The following THSD7B variants were observed in gnomAD, a reference collection of about 807,000 sequenced individuals.
The protein encoded by THSD7B is thrombospondin type-1 domain-containing protein 7B.
THSD7B carries 138 observed loss-of-function variants against 213.6 expected under a neutral mutation model. The ratio of observed to expected loss-of-function variants is 0.65; its 90% CI spans 0.56 to 0.74. The LOEUF is 0.74. THSD7B is among the 30% of genes least tolerant of loss of function. The probability of loss-of-function intolerance (pLI) is 0.00; values close to 1 mark genes in which losing one functional copy is unlikely to be tolerated. For synonymous variants in THSD7B, 742 were observed against 687.0 expected (o/e 1.08, Z -1.25); for missense variants, 1,931 against 1,991.5 (o/e 0.97, Z 0.58).
At chr2:137,375,874 G>T (rs1262938759) in intron 12 of THSD7B, among the ~76,000 whole-genome samples, 1 of 152,090 alleles carries the variant, frequency 6.6e-6, no homozygotes. Context: ...CATAACAGAC[G>T]ATATATTAAA....
intron 14 of THSD7B, among the ~76,000 whole-genome samples, chr2:137,444,179 A>G (rs1233205421): frequency 6.6e-6 from 1 of 152,054 alleles, no homozygotes; most frequent in Non-Finnish European, 1.5e-5. Context: ...GGTTGGAAGC[A>G]TCTTTATGAG....
intron 2 of THSD7B, among the ~76,000 whole-genome samples, chr2:136,986,947 G>A (rs188270663): frequency 5.9e-5 from 9 of 152,284 alleles, no homozygotes; most frequent in African/African-American, 1.7e-4. Flanking sequence ...ACTTGGTGCC[G>A]TCCCAGAGTC....
chr2:137,213,037 A>AAG (rs1398433905), intron 7 of THSD7B, among the ~76,000 whole-genome samples: 35 of 151,778 alleles, frequency 2.3e-4, no homozygotes, highest in Admixed American at 2.0e-3. Flanking sequence ...TGCTAAAAAA[A>AAG]AAAAAAAAAA....
chr2:137,614,713 A>G (rs1304018003), intron 17 of THSD7B, among the ~76,000 whole-genome samples: 1 of 152,168 alleles, frequency 6.6e-6, no homozygotes, highest in African/African-American at 2.4e-5. Flanking sequence ...ATTTGATTCA[A>G]TTAAGTATAA....
At chr2:136,877,438 GA>G (rs1035047336) in intron 1 of THSD7B, among the ~76,000 whole-genome samples, 4 of 152,192 alleles carry the variant, frequency 2.6e-5, no homozygotes, top group Non-Finnish European at 4.4e-5. Flanking sequence ...CACTCTTGGA[GA>G]AAAAAACCAT....
intron 12 of THSD7B, among the ~76,000 whole-genome samples, chr2:137,364,564 A>G (rs1408593343): frequency 6.6e-6 from 1 of 152,238 alleles, no homozygotes; most frequent in Non-Finnish European, 1.5e-5. Flanking sequence ...TATAAAATCA[A>G]TGTGCCAAAA....
chr2:137,134,921 C>T (rs62172311), intron 5 of THSD7B, among the ~76,000 whole-genome samples: 22,724 of 152,026 alleles, frequency 0.15, 1,890 homozygotes, highest in Middle Eastern at 0.18. Flanking sequence ...GCCCTAGGCT[C>T]AGATTGCTGC....
chr2:136,768,675 C>A (rs1042640048), intron 1 of THSD7B, among the ~76,000 whole-genome samples: 2 of 152,162 alleles, frequency 1.3e-5, no homozygotes, highest in African/African-American at 4.8e-5. Context: ...ACAGACAAAG[C>A]ATAAAGGCTG....
intron 15 of THSD7B, among the ~76,000 whole-genome samples, chr2:137,481,070 C>T (rs1283846423): frequency 6.6e-6 from 1 of 152,172 alleles, no homozygotes. Flanking sequence ...AACTTTTAAG[C>T]TGCCATCTTG....
At chr2:137,123,174 A>C (rs1427421277) in intron 5 of THSD7B, among the ~76,000 whole-genome samples, 1 of 151,968 alleles carries the variant, frequency 6.6e-6, no homozygotes, top group African/African-American at 2.4e-5. Context: ...TTGCCAGTCC[A>C]TTTTCAAACT....
chr2:137,103,825 AGAC>A (rs1391479858), intron 4 of THSD7B, among the ~76,000 whole-genome samples: 1 of 152,236 alleles, frequency 6.6e-6, no homozygotes, highest in Non-Finnish European at 1.5e-5. Flanking sequence ...AAACGCAACA[AGAC>A]GAGCTAACTG....
At chr2:136,951,525 G>T (rs537889122) in intron 2 of THSD7B, among the ~76,000 whole-genome samples, 7 of 152,324 alleles carry the variant, frequency 4.6e-5, no homozygotes, top group African/African-American at 1.7e-4. Context: ...ATTCTGCAGT[G>T]AGTAAACTAG....
chr2:137,117,943 G>A (rs1012312258), intron 5 of THSD7B, among the ~76,000 whole-genome samples: 26 of 152,110 alleles, frequency 1.7e-4, no homozygotes, highest in African/African-American at 6.0e-4. Context: ...ATTCCTCACT[G>A]AACCTCAATT....
intron 2 of THSD7B, among the ~76,000 whole-genome samples, chr2:137,033,006 A>C (rs558611185): frequency 7.7e-4 from 118 of 152,348 alleles, no homozygotes; most frequent in African/African-American, 2.6e-3. Flanking sequence ...TGCCTTATTA[A>C]ACAGAGGATA....
chr2:137,102,600 G>C (rs1688171719), intron 4 of THSD7B, among the ~76,000 whole-genome samples: 1 of 152,112 alleles, frequency 6.6e-6, no homozygotes, highest in Admixed American at 6.6e-5. Context: ...CCCAGCTAAA[G>C]GAGCATGTTC....
intron 17 of THSD7B, among the ~76,000 whole-genome samples, chr2:137,603,511 T>G (rs896391103): frequency 6.6e-6 from 1 of 152,198 alleles, no homozygotes; most frequent in African/African-American, 2.4e-5. Context: ...TAATTTAGAA[T>G]GAAGGCTGAG....
intron 12 of THSD7B, among the ~76,000 whole-genome samples, chr2:137,353,887 G>A (rs1685067785): frequency 6.6e-6 from 1 of 152,090 alleles, no homozygotes; most frequent in Non-Finnish European, 1.5e-5. Flanking sequence ...TTGGGAAGCT[G>A]TAGTTACAGA....
chr2:137,548,911 A>G (rs947942412), intron 15 of THSD7B, among the ~76,000 whole-genome samples: 3 of 152,042 alleles, frequency 2.0e-5, no homozygotes, highest in Admixed American at 2.0e-4. Flanking sequence ...GGCATGCTCT[A>G]TAAGTTTCTC....
At chr2:136,780,264 T>A (rs1681714690) in intron 1 of THSD7B, among the ~76,000 whole-genome samples, 1 of 151,814 alleles carries the variant, frequency 6.6e-6, no homozygotes, top group Admixed American at 6.6e-5. Context: ...GAACATTGCG[T>A]CCTCATATGG....
Sources: gnomAD v4.1 joint callset for allele counts (sites outside exome capture counted in the v4.1 genomes callset) on GRCh38, gnomAD v4.1.1 for gene constraint, MANE v1.5 for transcripts, NCBI Gene and HGNC (gene_info 2026-07-23, HGNC 2026-07-21) for gene names.